The following RAD51B variants were observed in gnomAD, a reference collection of about 807,000 sequenced individuals.
The protein encoded by RAD51B is DNA repair protein RAD51 homolog 2.
In RAD51B, 38 loss-of-function variants were observed where a neutral mutation model predicts 42.2. The ratio of observed to expected loss-of-function variants is 0.90; its 90% CI spans 0.70 to 1.18. The LOEUF is 1.18. Among genes scored for constraint, RAD51B ranks in the 50% most tolerant of loss-of-function variants. The pLI is 0.00. For missense variants in RAD51B, 373 were observed against 400.7 expected, an observed-to-expected ratio of 0.93 and a Z score of 0.59; for synonymous variants, 154 against 145.2, an observed-to-expected ratio of 1.06 and a Z score of -0.43.
chr14:68,056,007 G>T (rs1048556943), intron 7 of RAD51B, among the ~76,000 whole-genome samples: 9 of 152,034 alleles, frequency 5.9e-5, no homozygotes, highest in African/African-American at 2.2e-4. Flanking sequence ...GACTTTTTTA[G>T]TGCCCTTGAA....
At chr14:68,599,837 G>A (rs1040393643), downstream of RAD51B, among the ~76,000 whole-genome samples, 8 of 152,172 alleles carry the variant, frequency 5.3e-5, no homozygotes, top group South Asian at 2.1e-4. Context: ...TCCTCCTTTC[G>A]GAACCACTTC....
chr14:68,152,392 G>C (rs945055795), intron 7 of RAD51B, among the ~76,000 whole-genome samples: 3 of 152,236 alleles, frequency 2.0e-5, no homozygotes, highest in South Asian at 2.1e-4. Context: ...GGCTGTGGCA[G>C]GGCTACTCTC....
chr14:68,008,566 C>G (rs775496815), intron 7 of RAD51B, among the ~76,000 whole-genome samples: 5 of 151,746 alleles, frequency 3.3e-5, no homozygotes, highest in Non-Finnish European at 7.4e-5. Flanking sequence ...ATGTATTGCT[C>G]TCTAACTAGG....
chr14:67,982,177 C>G (rs1320356683), intron 7 of RAD51B, among the ~76,000 whole-genome samples: 1 of 152,136 alleles, frequency 6.6e-6, no homozygotes. Flanking sequence ...TCAGGTGATT[C>G]ACCTGCCTTG....
intron 10 of RAD51B, among the ~76,000 whole-genome samples, chr14:68,549,638 TCTC>T (rs1888429053): frequency 6.6e-6 from 1 of 150,790 alleles, no homozygotes; most frequent in Non-Finnish European, 1.5e-5. Context: ...ATGGTCTCGA[TCTC>T]CTGACCTCGT....
At chr14:68,638,633 G>T (rs1281935409) in intron 10 of RAD51B, among the ~76,000 whole-genome samples, 1 of 152,160 alleles carries the variant, frequency 6.6e-6, no homozygotes. Flanking sequence ...GATCTGCCTG[G>T]CCCAGTCGGG....
chr14:68,305,997 G>T (rs2081852321), intron 8 of RAD51B, among the ~76,000 whole-genome samples: 1 of 152,186 alleles, frequency 6.6e-6, no homozygotes, highest in African/African-American at 2.4e-5. Flanking sequence ...ACATCCTAGT[G>T]GAAGGGCCGT....
At chr14:68,207,385 A>T (rs529156455) in intron 7 of RAD51B, among the ~76,000 whole-genome samples, 3 of 152,352 alleles carry the variant, frequency 2.0e-5, no homozygotes, top group East Asian at 1.9e-4. Flanking sequence ...AATTTGAAAT[A>T]ATAAGGCAAA....
At chr14:68,551,635 A>G (rs1888577306) in intron 10 of RAD51B, among the ~76,000 whole-genome samples, 1 of 152,226 alleles carries the variant, frequency 6.6e-6, no homozygotes, top group Non-Finnish European at 1.5e-5. Flanking sequence ...CCTCCAGGTC[A>G]AGGGCTTTCT....
At chr14:68,078,990 C>CTAAA (rs1241418380) in intron 7 of RAD51B, among the ~76,000 whole-genome samples, 1 of 152,054 alleles carries the variant, frequency 6.6e-6, no homozygotes, top group African/African-American at 2.4e-5. Flanking sequence ...GACCCTATCT[C>CTAAA]TAAATAAATA....
chr14:68,415,475 CA>C (rs2084532675), intron 9 of RAD51B, among the ~76,000 whole-genome samples: 1 of 152,108 alleles, frequency 6.6e-6, no homozygotes, highest in Non-Finnish European at 1.5e-5. Flanking sequence ...TTCAAGAAAA[CA>C]AAAACAGGTA....
At chr14:68,023,101 A>G (rs1393831651) in intron 7 of RAD51B, among the ~76,000 whole-genome samples, 1 of 152,176 alleles carries the variant, frequency 6.6e-6, no homozygotes, top group Non-Finnish European at 1.5e-5. Flanking sequence ...TATTGTGCAT[A>G]GTGCTGCAGT....
At chr14:68,234,097 G>A in intron 7 of RAD51B, among the ~76,000 whole-genome samples, 1 of 152,038 alleles carries the variant, frequency 6.6e-6, no homozygotes, top group Non-Finnish European at 1.5e-5. Context: ...GAGAGGTGAA[G>A]GGACAGATTT....
chr14:68,303,066 G>T (rs1017569815), intron 8 of RAD51B, among the ~76,000 whole-genome samples: 1 of 152,106 alleles, frequency 6.6e-6, no homozygotes, highest in Non-Finnish European at 1.5e-5. Flanking sequence ...TTTTCCTGAG[G>T]GTAATAGGGA....
intron 10 of RAD51B, among the ~76,000 whole-genome samples, chr14:68,621,615 G>T (rs1404660095): frequency 6.6e-6 from 1 of 152,192 alleles, no homozygotes; most frequent in East Asian, 1.9e-4. Context: ...CTCCTTACTG[G>T]CCCCCAGGGT....
intron 3 of RAD51B, among the ~76,000 whole-genome samples, chr14:67,831,116 C>G (rs976218381): frequency 6.6e-6 from 1 of 152,050 alleles, no homozygotes; most frequent in Non-Finnish European, 1.5e-5. Context: ...CTCAGGTGAT[C>G]CACCTGCCTC....
chr14:68,368,127 C>T (rs937017280), intron 8 of RAD51B, among the ~76,000 whole-genome samples: 3 of 152,182 alleles, frequency 2.0e-5, no homozygotes, highest in Non-Finnish European at 2.9e-5. Context: ...AGAGGTGCTT[C>T]TAAGAACTAA....
At chr14:67,855,536 G>A (rs899333750) in intron 4 of RAD51B, among the ~76,000 whole-genome samples, 6 of 151,914 alleles carry the variant, frequency 3.9e-5, no homozygotes, top group African/African-American at 7.3e-5. Context: ...CACCGCACCC[G>A]GCCTATTATA....
chr14:68,480,741 C>T (rs1401653656), downstream of RAD51B, among the ~76,000 whole-genome samples: 2 of 152,072 alleles, frequency 1.3e-5, no homozygotes, highest in Admixed American at 6.5e-5. Flanking sequence ...GATCCTTTCC[C>T]TCGCAGGGAC....
Sources: gnomAD v4.1 joint callset for allele counts (sites outside exome capture counted in the v4.1 genomes callset) on GRCh38, gnomAD v4.1.1 for gene constraint, MANE v1.5 for transcripts, NCBI Gene and HGNC (gene_info 2026-07-23, HGNC 2026-07-21) for gene names.